The following PLCL2 variants were observed in gnomAD, a reference collection of about 807,000 sequenced individuals.
The protein encoded by PLCL2 is inactive phospholipase C-like protein 2.
PLCL2 carries 4 observed loss-of-function variants against 79.6 expected under a neutral mutation model. That is an observed-to-expected ratio of 0.05 (90% CI 0.02 to 0.11). The LOEUF (loss-of-function observed/expected upper bound fraction) is 0.11, where lower values mean the gene tolerates loss of function less well. PLCL2 is among the 10% of genes least tolerant of loss of function. The pLI, the probability that PLCL2 is intolerant of heterozygous loss-of-function variation, is 1.00. For synonymous variants in PLCL2, 484 were observed against 457.7 expected (o/e 1.06, Z -0.73); for missense variants, 895 against 1,291.0 (o/e 0.69, Z 4.70).
Position 17,008,692 on chromosome 3 carries a change from A to G in PLCL2, c.328-982A>G, listed in dbSNP as rs1295110456. ...CATGGTGTATGACCTGTACAGTTGC[A>G]CAGGCTTCACACTGACTCAGAAGAG... On this transcript the variant is annotated intron_variant, in intron 1 of 5. Transcript: ENST00000615277. 2.0e-5 allele frequency among the ~76,000 whole-genome samples: 3 copies of G among 152,220 alleles called. No individual in the cohort carries two copies. The East Asian group carries it at 5.8e-4, about 29-fold the overall frequency.
At position 17,056,797 on chromosome 3, in the gene PLCL2, T is replaced by C. The variant is rs184946696; in HGVS notation, c.3095-11159T>C. Reference sequence around the variant, plus strand: ...GTAAAACACAACCAAGTGAGTGGTATAGATAACAGGTATAAATGAAATTTG... The same window carrying C: ...GTAAAACACAACCAAGTGAGTGGTACAGATAACAGGTATAAATGAAATTTG... On this transcript the variant is annotated intron_variant, in intron 4 of 5. Transcript: ENST00000615277. Among the ~76,000 whole-genome samples, 4 of 152,292 alleles carry C rather than the reference T, an allele frequency of 2.6e-5. No individual in the cohort carries two copies. In the East Asian group the frequency reaches 7.7e-4, roughly 29 times the overall value.
intron 1 of PLCL2, among the ~76,000 whole-genome samples, chr3:17,001,661 G>C (rs1197713402): frequency 2.6e-5 from 4 of 152,024 alleles, no homozygotes; most frequent in Admixed American, 2.6e-4. Context: ...TTAGTTGGCT[G>C]TAAATGCATT....
intron 5 of PLCL2, among the ~76,000 whole-genome samples, chr3:17,069,928 G>T (rs908742090): frequency 6.6e-6 from 1 of 152,132 alleles, no homozygotes; most frequent in African/African-American, 2.4e-5. Flanking sequence ...AACGAAAAAG[G>T]ATTTGGCTTT....
chr3:17,031,425 T>C (rs980971973), intron 3 of PLCL2, among the ~76,000 whole-genome samples: 2 of 152,178 alleles, frequency 1.3e-5, no homozygotes, highest in Admixed American at 1.3e-4. Flanking sequence ...CCTTCCTCCT[T>C]TCATGTCTGC....
intron 1 of PLCL2, among the ~76,000 whole-genome samples, chr3:16,971,090 G>C (rs1298253394): frequency 6.6e-6 from 1 of 151,096 alleles, no homozygotes; most frequent in Non-Finnish European, 1.5e-5. Flanking sequence ...GTCAATTTTG[G>C]CTTTTGTTGC....
chr3:17,049,022 A>C (rs959910889), intron 4 of PLCL2, among the ~76,000 whole-genome samples: 2 of 151,972 alleles, frequency 1.3e-5, no homozygotes, highest in African/African-American at 4.8e-5. Flanking sequence ...CTGTTCTAAA[A>C]AAAAAGAAAA....
chr3:16,952,617 G>A (rs985579198), intron 1 of PLCL2, among the ~76,000 whole-genome samples: 1 of 151,792 alleles, frequency 6.6e-6, no homozygotes, highest in African/African-American at 2.4e-5. Context: ...AATAAAGCAG[G>A]ATACAAATTT....
intron 4 of PLCL2, among the ~76,000 whole-genome samples, chr3:17,045,965 A>C (rs529087680): frequency 6.6e-6 from 1 of 152,290 alleles, no homozygotes; most frequent in African/African-American, 2.4e-5. Context: ...GCGGGGATTC[A>C]AGACAGGGGC....
intron 5 of PLCL2, among the ~76,000 whole-genome samples, chr3:17,072,698 G>T (rs984992614): frequency 6.6e-6 from 1 of 150,870 alleles, no homozygotes; most frequent in East Asian, 1.9e-4. Context: ...GACAATATGA[G>T]CATTCTCTAA....
At chr3:17,046,017 C>T (rs1440627831) in intron 4 of PLCL2, among the ~76,000 whole-genome samples, 2 of 152,066 alleles carry the variant, frequency 1.3e-5, no homozygotes, top group African/African-American at 4.8e-5. Flanking sequence ...ATCAGCAGTG[C>T]CAGTCAAAGG....
At chr3:17,002,033 T>G (rs931601345) in intron 1 of PLCL2, among the ~76,000 whole-genome samples, 2 of 152,168 alleles carry the variant, frequency 1.3e-5, no homozygotes, top group Non-Finnish European at 2.9e-5. Context: ...TCATTAGTGC[T>G]CTATCATTTT....
intron 2 of PLCL2, among the ~76,000 whole-genome samples, chr3:17,013,854 T>TA (rs903652556): frequency 6.6e-6 from 1 of 152,230 alleles, no homozygotes; most frequent in African/African-American, 2.4e-5. Flanking sequence ...AGCTTTCAGG[T>TA]AAAATCTTGA....
At chr3:16,995,515 G>A (rs962203296) in intron 1 of PLCL2, among the ~76,000 whole-genome samples, 2 of 152,172 alleles carry the variant, frequency 1.3e-5, no homozygotes, top group African/African-American at 4.8e-5. Flanking sequence ...AGGCTTGTGA[G>A]CTTCTTCCAA....
At chr3:16,931,343 G>A (rs1372233705) in intron 1 of PLCL2, among the ~76,000 whole-genome samples, 1 of 152,084 alleles carries the variant, frequency 6.6e-6, no homozygotes, top group African/African-American at 2.4e-5. Context: ...AGAAAAAGAT[G>A]TATGAAATAG....
Position 17,089,844 on chromosome 3 carries a change from G to T in PLCL2, c.3316G>T (p.Asp1106Tyr), listed in dbSNP as rs761194678. The change falls in exon 6 of 6, where the codon GAT becomes TAT. Residue 1106 changes from aspartate (D) to tyrosine (Y), a missense_variant. By Grantham distance (160) the Asp-to-Tyr change is radical. Around this residue, in one of 6 missense-constraint regions of PLCL2, gnomAD observed 298 missense variants for 459.6 expected, o/e 0.65. Coordinates refer to ENST00000615277, the MANE Select transcript of PLCL2 (RefSeq NM_001144382.2). Reference protein sequence around the residue: ...GLNKPGTENADVQKPRRSLEV... With the variant: ...GLNKPGTENAYVQKPRRSLEV... Reference sequence around the variant, plus strand: ...GAATAAACCAGGCACCGAAAATGCTGATGTCCAGAAGCCACGCCGGAGCTT... The same window carrying T: ...GAATAAACCAGGCACCGAAAATGCTTATGTCCAGAAGCCACGCCGGAGCTT... The T allele has an allele frequency of 6.2e-7, 1 of 1,614,088 alleles. No homozygotes were observed. The highest frequency in any genetic ancestry group is 8.5e-7 in the Non-Finnish European group (1 of 1,179,982).
intron 1 of PLCL2, among the ~76,000 whole-genome samples, chr3:16,953,232 G>T (rs1010739836): frequency 1.3e-5 from 2 of 152,098 alleles, no homozygotes; most frequent in Non-Finnish European, 2.9e-5. Flanking sequence ...TACATCACAT[G>T]TAATGCATTA....
chr3:16,956,439 T>G (rs2063706277), intron 1 of PLCL2, among the ~76,000 whole-genome samples: 1 of 152,110 alleles, frequency 6.6e-6, no homozygotes, highest in Non-Finnish European at 1.5e-5. Flanking sequence ...GCCAGTATTT[T>G]ATTGAGGATT....
chr3:17,042,801 G>T (rs2064738950), intron 3 of PLCL2, 73 bp from the exon 4 acceptor site: 2 of 1,035,216 alleles, frequency 1.9e-6, no homozygotes, highest in African/African-American at 1.6e-5. Context: ...TTTAGGAGAA[G>T]AGCCTTGTGC....
chr3:17,072,708 A>G (rs1206895521), intron 5 of PLCL2, among the ~76,000 whole-genome samples: 1 of 151,888 alleles, frequency 6.6e-6, no homozygotes, highest in Non-Finnish European at 1.5e-5. Context: ...GCATTCTCTA[A>G]TATTACTAGA....
Sources: allele counts gnomAD v4.1 joint callset (sites outside exome capture counted in the v4.1 genomes callset), GRCh38; gene constraint gnomAD v4.1.1; regional missense constraint gnomAD v4.1.1; transcripts MANE v1.5; gene names NCBI Gene and HGNC (gene_info 2026-07-23, HGNC 2026-07-21).